Variants in ZEB2 observed in about 807,000 individuals in gnomAD.
ZEB2 encodes the protein zinc finger E-box-binding homeobox 2.
In ZEB2, 6 loss-of-function variants were observed where a neutral mutation model predicts 99.9. The observed-to-expected ratio is 0.06, with a 90% CI of 0.03 to 0.12. The LOEUF (loss-of-function observed/expected upper bound fraction) is 0.12. ZEB2 is among the 10% of genes least tolerant of loss of function. The pLI, the probability that ZEB2 is intolerant of heterozygous loss-of-function variation, is 1.00. For synonymous variants in ZEB2, 517 were observed against 542.5 expected, an observed-to-expected ratio of 0.95 and a Z score of 0.65; for missense variants, 969 against 1,502.8, an observed-to-expected ratio of 0.64 and a Z score of 5.87.
chr2:144,384,715 C>A lies in ZEB2; in HGVS notation c.*4736G>T, dbSNP rs140435717. On this transcript the variant is annotated 3_prime_UTR_variant, in exon 10 of 10. Coordinates refer to ENST00000627532, the MANE Select transcript of ZEB2 (RefSeq NM_014795.4). The stretch of plus-strand genomic sequence containing the variant: ...ACTAAATATGTACAATTTCAATTCA[C>A]AGCGAAGGTAACAAAGATTTAAACA... 1 of 151,908 alleles carries A rather than the reference C, an allele frequency of 6.6e-6. No individual in the cohort carries two copies. The highest frequency in any genetic ancestry group is 1.9e-4 in the East Asian group (1 of 5,174). The allele number at this position is 151,908 out of a possible 1,614,324, so 9.4% of individuals were successfully genotyped here.
At chr2:144,469,247 T>C (rs935389263) in intron 2 of ZEB2, among the ~76,000 whole-genome samples, 4 of 152,198 alleles carry the variant, frequency 2.6e-5, no homozygotes, top group African/African-American at 9.6e-5. Flanking sequence ...AGTACACTTA[T>C]TAGTAAAATA....
At chr2:144,513,653 G>C in intron 2 of ZEB2, 15 of 1,534,446 alleles carry the variant, frequency 9.8e-6, no homozygotes, top group Non-Finnish European at 1.2e-5. Context: ...TCCGTGGGAG[G>C]CAGGAGGGAA....
chr2:144,504,124 C>T (rs1169453406), intron 2 of ZEB2: 1 of 149,362 alleles, frequency 6.7e-6, no homozygotes, highest in Non-Finnish European at 1.5e-5. Flanking sequence ...CCTTAATTTC[C>T]TCCTATAACA....
At chr2:144,460,168 G>A in intron 2 of ZEB2, among the ~76,000 whole-genome samples, 1 of 152,164 alleles carries the variant, frequency 6.6e-6, no homozygotes. Flanking sequence ...GGCCACCCAA[G>A]TGACGTAGGT....
At chr2:144,456,478 A>G (rs1456011943) in intron 2 of ZEB2, among the ~76,000 whole-genome samples, 1 of 152,128 alleles carries the variant, frequency 6.6e-6, no homozygotes, top group Non-Finnish European at 1.5e-5. Flanking sequence ...ACAAGTTTAT[A>G]AATTCTCATT....
chr2:144,513,112 C>G (rs1312250706), intron 2 of ZEB2: 12 of 1,286,198 alleles, frequency 9.3e-6, no homozygotes, highest in Non-Finnish European at 1.0e-6. Context: ...GAGGCACCTC[C>G]TGGAGAAGGG....
In ZEB2 at chr2:144,417,274, A is replaced by G. The variant is rs368419090; in HGVS notation, c.403+7522T>C. On this transcript the variant is annotated intron_variant, in intron 4 of 9. Transcript: ENST00000627532. ...CTAAAATTTTATGTTGCTTAGTGGA[A>G]GGAACTCACCCTTCTATTTCCTTAA... Among the ~76,000 whole-genome samples, 11 of 152,166 alleles carry G rather than the reference A, an allele frequency of 7.2e-5. No individual in the cohort carries two copies. In the East Asian group the frequency reaches 1.9e-3, roughly 27 times the overall value.
intron 2 of ZEB2, among the ~76,000 whole-genome samples, chr2:144,488,044 T>C (rs947343959): frequency 2.0e-5 from 3 of 152,154 alleles, no homozygotes; most frequent in Non-Finnish European, 4.4e-5. Flanking sequence ...GGAGATCACA[T>C]GGATGTATCT....
intron 2 of ZEB2, among the ~76,000 whole-genome samples, chr2:144,440,605 A>G (rs367761579): frequency 5.4e-5 from 8 of 149,376 alleles, no homozygotes; most frequent in Middle Eastern, 3.2e-3. Context: ...AAAATTATTC[A>G]TCCCATTTTT....
intron 2 of ZEB2, among the ~76,000 whole-genome samples, chr2:144,479,755 G>A (rs1704483706): frequency 6.9e-6 from 1 of 145,734 alleles, no homozygotes. Flanking sequence ...GATTTCCCCA[G>A]CAACAGACCC....
intron 2 of ZEB2, among the ~76,000 whole-genome samples, chr2:144,470,865 T>C (rs922793795): frequency 9.9e-5 from 15 of 152,190 alleles, no homozygotes; most frequent in Admixed American, 6.6e-5. Context: ...TTCAGTTATG[T>C]ACCCCAGTTC....
intron 2 of ZEB2, among the ~76,000 whole-genome samples, chr2:144,465,798 T>C (rs1244004990): frequency 6.6e-6 from 1 of 152,168 alleles, no homozygotes; most frequent in East Asian, 1.9e-4. Context: ...CACTCGTACA[T>C]ATTTATAGTT....
In ZEB2 at chr2:144,396,408, A is replaced by G. The variant is rs574499254; in HGVS notation, c.3067+4T>C. 6 of 1,612,892 alleles carry G rather than the reference A, an allele frequency of 3.7e-6. No individual in the cohort carries two copies. Among genetic ancestry groups the G allele is most frequent in the Non-Finnish European group, 5.1e-6 (6 of 1,179,972 alleles). ...TCTAACCAGTTAGGCAAAGTCACTC[A>G]TACCTGTGTGTTCGTATTTATGTCG... On this transcript the variant is annotated splice_donor_region_variant and intron_variant, in intron 9 of 9. Coordinates refer to ENST00000627532, the MANE Select transcript of ZEB2 (RefSeq NM_014795.4).
intron 2 of ZEB2, among the ~76,000 whole-genome samples, chr2:144,503,297 A>G (rs1704900634): frequency 6.6e-6 from 1 of 152,244 alleles, no homozygotes; most frequent in Non-Finnish European, 1.5e-5. Context: ...TTTAATATCT[A>G]GGAATAAACA....
chr2:144,509,958 C>T (rs1327684099), intron 2 of ZEB2, among the ~76,000 whole-genome samples: 2 of 152,078 alleles, frequency 1.3e-5, no homozygotes, highest in African/African-American at 2.4e-5. Context: ...ATACCACCAA[C>T]CCCTCCCCTA....
chr2:144,499,795 G>A (rs1389116822), intron 2 of ZEB2, among the ~76,000 whole-genome samples: 1 of 152,040 alleles, frequency 6.6e-6, no homozygotes, highest in South Asian at 2.1e-4. Flanking sequence ...ATCTCCATTA[G>A]TCAGAAGTTC....
chr2:144,404,482 G>A (rs1049356862), intron 5 of ZEB2, among the ~76,000 whole-genome samples: 1 of 152,034 alleles, frequency 6.6e-6, no homozygotes, highest in African/African-American at 2.4e-5. Context: ...CAGTGTGAAG[G>A]GGCGTTTCAG....
chr2:144,421,346 G>A (rs1703616291), intron 4 of ZEB2, among the ~76,000 whole-genome samples: 1 of 152,180 alleles, frequency 6.6e-6, no homozygotes, highest in Non-Finnish European at 1.5e-5. Context: ...GAGGAAGATA[G>A]TCTTTTAGAT....
chr2:144,481,951 A>C (rs755255271), intron 2 of ZEB2, among the ~76,000 whole-genome samples: 6 of 152,190 alleles, frequency 3.9e-5, no homozygotes, highest in Non-Finnish European at 8.8e-5. Flanking sequence ...TTATTATAAT[A>C]GTGTTATAGA....
Sources: gnomAD v4.1 joint callset for allele counts (sites outside exome capture counted in the v4.1 genomes callset) on GRCh38, gnomAD v4.1.1 for gene constraint, MANE v1.5 for transcripts, NCBI Gene and HGNC (gene_info 2026-07-23, HGNC 2026-07-21) for gene names.